ANKRD42: variants seen among roughly 807,000 people sequenced by gnomAD.
ANKRD42 encodes the protein ankyrin repeat domain-containing protein 42.
In ANKRD42, 43 loss-of-function variants were observed where a neutral mutation model predicts 51.5. That is an observed-to-expected ratio of 0.83 (90% CI 0.65 to 1.08). ANKRD42 has a LOEUF of 1.08. Among genes scored for constraint, ANKRD42 ranks in the 50% least tolerant of loss-of-function variants. The pLI is 0.00. For missense variants in ANKRD42, 608 were observed against 629.3 expected (o/e 0.97, Z 0.36); for synonymous variants, 203 against 213.0 (o/e 0.95, Z 0.41).
intron 7 of ANKRD42, among the ~76,000 whole-genome samples, chr11:83,235,448 T>C (rs1863195582): frequency 6.6e-6 from 1 of 152,204 alleles, no homozygotes; most frequent in African/African-American, 2.4e-5. Context: ...GAAATTGATG[T>C]TTAGAGAAGT....
chr11:83,221,535 T>G (rs1477731844), intron 5 of ANKRD42, among the ~76,000 whole-genome samples: 1 of 152,232 alleles, frequency 6.6e-6, no homozygotes, highest in Non-Finnish European at 1.5e-5. Flanking sequence ...TATGTTTGTA[T>G]AGAGATTCTT....
rs371526251 is a variant in ANKRD42, at chr11:83,227,348, A to G, written c.788-399A>G. Among the ~76,000 whole-genome samples, 5 of 152,042 alleles carry G rather than the reference A, an allele frequency of 3.3e-5. No homozygotes were observed. In the East Asian group the frequency reaches 5.8e-4, roughly 18 times the overall value. ...GGCTGGTCTTGAACTCGTGACCTCA[A>G]ATGATTCACCCATCTCAGCCTCCCA... is the stretch of plus-strand genomic sequence containing the variant. On this transcript the variant is annotated intron_variant, in intron 6 of 10. Coordinates refer to ENST00000533342, the MANE Select transcript of ANKRD42 (RefSeq NM_001300975.2).
intron 9 of ANKRD42, among the ~76,000 whole-genome samples, chr11:83,244,242 A>G (rs533786659): frequency 3.1e-4 from 47 of 152,094 alleles, no homozygotes; most frequent in Non-Finnish European, 6.2e-4. Flanking sequence ...TGGCCTCCCA[A>G]AGTGCTGGGG....
chr11:83,238,900 T>C (rs1265238928), intron 8 of ANKRD42, among the ~76,000 whole-genome samples: 2 of 151,730 alleles, frequency 1.3e-5, no homozygotes, highest in East Asian at 1.9e-4. Context: ...CAGCTACTAC[T>C]TGGGAGGCTG....
At chr11:83,236,359 A>G in intron 7 of ANKRD42, 45 bp from the exon 8 acceptor site, 1 of 1,521,308 alleles carries the variant, frequency 6.6e-7, no homozygotes, top group Non-Finnish European at 8.9e-7. Context: ...CTAATAACTA[A>G]CTTTTTTGTG....
At chr11:83,236,175 G>T (rs937403714) in intron 7 of ANKRD42, among the ~76,000 whole-genome samples, 1 of 152,178 alleles carries the variant, frequency 6.6e-6, no homozygotes, top group Non-Finnish European at 1.5e-5. Context: ...ATATCCGTGT[G>T]TAAAATTATC....
At chr11:83,206,621 A>G (rs777621701) in intron 3 of ANKRD42, among the ~76,000 whole-genome samples, 3 of 152,236 alleles carry the variant, frequency 2.0e-5, no homozygotes, top group South Asian at 4.1e-4. Context: ...CTCTTCCACC[A>G]TATGAGGATG....
At chr11:83,230,593 T>C (rs532682372) in intron 7 of ANKRD42, among the ~76,000 whole-genome samples, 39 of 138,830 alleles carry the variant, frequency 2.8e-4, no homozygotes, top group Non-Finnish European at 4.6e-4. Context: ...GATCTTATTC[T>C]TTTTTTTTTT....
chr11:83,263,639 G>T (rs866379911), downstream of ANKRD42, among the ~76,000 whole-genome samples: 3 of 152,208 alleles, frequency 2.0e-5, no homozygotes, highest in Admixed American at 2.0e-4. Context: ...GGTGGCGTCT[G>T]ACCCACGATG....
intron 10 of ANKRD42, among the ~76,000 whole-genome samples, chr11:83,246,688 A>G (rs1460552589): frequency 6.6e-6 from 1 of 152,206 alleles, no homozygotes; most frequent in Non-Finnish European, 1.5e-5. Flanking sequence ...TCACACTCTT[A>G]GAACTGCCTG....
At chr11:83,250,593 T>C, downstream of ANKRD42, among the ~76,000 whole-genome samples, 1 of 152,160 alleles carries the variant, frequency 6.6e-6, no homozygotes, top group East Asian at 1.9e-4. Context: ...ACTTAAGTAC[T>C]GTGTCCCCAC....
rs1340550457 is a variant in ANKRD42 at position 83,210,384 on chromosome 11, T to C, written c.415T>C (p.Ser139Pro). The part of the protein sequence containing the change: ...PLHLAATHGH[S>P]FTLQIMLRSG... The stretch of plus-strand genomic sequence containing the variant: ...ACATCTTGCTGCAACTCATGGACAT[T>C]CTTTCACTTTACAAATAATGCTCCG... Residue 139 changes from serine to proline, a missense_variant, in exon 4 of 11, where the codon TCT becomes CCT. Coordinates refer to ENST00000533342, the MANE Select transcript of ANKRD42 (RefSeq NM_001300975.2). The C allele has an allele frequency of 6.2e-7, 1 of 1,614,062 alleles. No individual in the cohort carries two copies. Among genetic ancestry groups the C allele is most frequent in the South Asian group, 1.1e-5 (1 of 91,088 alleles).
At chr11:83,255,828 T>C (rs1233129042) in intron 11 of ANKRD42, 3 of 1,512,808 alleles carry the variant, frequency 2.0e-6, no homozygotes, top group South Asian at 1.3e-5. Flanking sequence ...TTTGACCCTC[T>C]TTTCCTTTGC....
chr11:83,211,634 A>G (rs1433239058), intron 5 of ANKRD42, among the ~76,000 whole-genome samples: 2 of 132,348 alleles, frequency 1.5e-5, no homozygotes, highest in African/African-American at 2.7e-5. Context: ...CACTCTCTAC[A>G]AAAAAAAAAA....
rs555803032 is a variant in ANKRD42, at chr11:83,248,943, T to A, written c.*739T>A. 35 of 983,170 alleles carry A rather than the reference T, an allele frequency of 3.6e-5. No individual in the cohort carries two copies. The East Asian group carries it at 3.5e-3, about 99-fold the overall frequency. 60.9% of individuals were successfully genotyped at this position (983,170 alleles called of 1,614,324 possible). A position where few individuals can be genotyped will look rare whatever the true frequency, so the allele number is the denominator to read the frequency against. On this transcript the variant is annotated 3_prime_UTR_variant, in exon 11 of 11. Transcript: ENST00000533342. ...TTGGTGTCTCACCAGTGGTTGATTTTCCAAGAAATATAATTAACTATAATA... is the reference window on the plus strand; with the variant it reads ...TTGGTGTCTCACCAGTGGTTGATTTACCAAGAAATATAATTAACTATAATA...
intron 9 of ANKRD42, among the ~76,000 whole-genome samples, chr11:83,241,826 G>GT (rs2135551587): frequency 6.6e-6 from 1 of 152,260 alleles, no homozygotes; most frequent in African/African-American, 2.4e-5. Flanking sequence ...CACTCTACCT[G>GT]TTGGGTGGGT....
chr11:83,220,560 C>A (rs888864075), intron 5 of ANKRD42, among the ~76,000 whole-genome samples: 1 of 152,110 alleles, frequency 6.6e-6, no homozygotes, highest in African/African-American at 2.4e-5. Context: ...CTTTATTGAG[C>A]AGAGTGAAAG....
downstream of ANKRD42, chr11:83,257,137 T>G: frequency 6.1e-6 from 2 of 329,768 alleles, no homozygotes; most frequent in South Asian, 4.8e-5. Flanking sequence ...CTTAGCCAGC[T>G]GAACTGGTTT....
chr11:83,196,964 T>A (rs1224028142), intron 1 of ANKRD42, among the ~76,000 whole-genome samples: 5 of 151,956 alleles, frequency 3.3e-5, no homozygotes, highest in African/African-American at 1.2e-4. Context: ...ATTAGAGGAG[T>A]GTCTCTGTGT....
Sources: allele counts gnomAD v4.1 joint callset (sites outside exome capture counted in the v4.1 genomes callset), GRCh38; gene constraint gnomAD v4.1.1; transcripts MANE v1.5; gene names NCBI Gene and HGNC (gene_info 2026-07-23, HGNC 2026-07-21).